Variants in PIGL observed in about 807,000 individuals in gnomAD.
PIGL encodes the protein phosphatidylinositol glycan anchor biosynthesis class L, also known as N-acetylglucosaminyl-phosphatidylinositol de-N-acetylase.
In PIGL, 22 loss-of-function variants were observed where a neutral mutation model predicts 31.1. The ratio of observed to expected loss-of-function variants is 0.71; its 90% CI spans 0.51 to 1.01. The LOEUF (loss-of-function observed/expected upper bound fraction) is 1.01, where lower values mean the gene tolerates loss of function less well. Among genes scored for constraint, PIGL ranks in the 50% least tolerant of loss-of-function variants. The pLI is 0.00. For missense variants in PIGL, 302 were observed against 315.9 expected (o/e 0.96, Z 0.33); for synonymous variants, 131 against 117.4 (o/e 1.12, Z -0.75).
chr17:16,249,776 T>A (rs2092763188), intron 2 of PIGL, among the ~76,000 whole-genome samples: 1 of 152,144 alleles, frequency 6.6e-6, no homozygotes, highest in South Asian at 2.1e-4. Context: ...TCCATGTGGG[T>A]CCCCCACTGA....
At chr17:16,259,970 C>A (rs1002342892) in intron 2 of PIGL, among the ~76,000 whole-genome samples, 4 of 152,348 alleles carry the variant, frequency 2.6e-5, no homozygotes, top group Admixed American at 2.0e-4. Context: ...GGTGCCCGCT[C>A]CAATTTTGGA....
chr17:16,253,275 A>G (rs2092780384), intron 2 of PIGL, among the ~76,000 whole-genome samples: 2 of 152,056 alleles, frequency 1.3e-5, no homozygotes, highest in Admixed American at 6.6e-5. Context: ...ACAAACAACA[A>G]CAACAACAAA....
intron 2 of PIGL, among the ~76,000 whole-genome samples, chr17:16,253,964 C>A (rs527387095): frequency 1.3e-5 from 2 of 151,962 alleles, no homozygotes; most frequent in Non-Finnish European, 2.9e-5. Context: ...AAAAATAGGA[C>A]GTCCCAGTAC....
At chr17:16,239,625 G>A (rs1258837681) in intron 2 of PIGL, among the ~76,000 whole-genome samples, 1 of 152,162 alleles carries the variant, frequency 6.6e-6, no homozygotes, top group East Asian at 1.9e-4. Flanking sequence ...TGTGAATAGT[G>A]GAGAGAGATG....
At position 16,303,206 on chromosome 17, in the gene PIGL, C is replaced by T. The variant is rs138742986; in HGVS notation, c.426+3228C>T. 1.1e-3 allele frequency among the ~76,000 whole-genome samples: 168 copies of T among 152,242 alleles called. 1 individual carries two copies. The highest frequency in any genetic ancestry group is 3.6e-3 in the African/African-American group (148 of 41,556). ...CTTTGATGAGCCCTTTTTGAGGCTC[C>T]GGCAGTATTTGCTGTGTGTACTGCA... On this transcript the variant is annotated intron_variant, in intron 3 of 6. Coordinates refer to ENST00000225609, the MANE Select transcript of PIGL (RefSeq NM_004278.4).
At chr17:16,295,075 GCT>G (rs2092975638) in intron 2 of PIGL, among the ~76,000 whole-genome samples, 1 of 152,184 alleles carries the variant, frequency 6.6e-6, no homozygotes. Context: ...CTGATTAATG[GCT>G]CATGTAACAT....
chr17:16,253,270 C>T (rs1033716046), intron 2 of PIGL, among the ~76,000 whole-genome samples: 3 of 151,878 alleles, frequency 2.0e-5, no homozygotes, highest in African/African-American at 4.8e-5. Flanking sequence ...AACAAACAAA[C>T]AACAACAACA....
At chr17:16,272,120 A>G (rs1364264252) in intron 2 of PIGL, among the ~76,000 whole-genome samples, 1 of 152,112 alleles carries the variant, frequency 6.6e-6, no homozygotes, top group Non-Finnish European at 1.5e-5. Flanking sequence ...CAGTGTCACT[A>G]TTTCCCTACT....
At chr17:16,240,844 C>T (rs368237437) in intron 2 of PIGL, among the ~76,000 whole-genome samples, 1 of 147,508 alleles carries the variant, frequency 6.8e-6, no homozygotes, top group African/African-American at 2.6e-5. Context: ...CATGGTGGCT[C>T]ACGCCTCTAA....
At chr17:16,325,342 A>G (rs2093123061) in intron 6 of PIGL, among the ~76,000 whole-genome samples, 1 of 151,504 alleles carries the variant, frequency 6.6e-6, no homozygotes, top group Non-Finnish European at 1.5e-5. Context: ...CAAAAAAAAA[A>G]AAAAAAAAAA....
intron 6 of PIGL, among the ~76,000 whole-genome samples, chr17:16,320,383 A>G (rs902851502): frequency 2.2e-5 from 3 of 135,972 alleles, no homozygotes; most frequent in Non-Finnish European, 4.8e-5. Context: ...GAAAGAAGGA[A>G]GAAAGAAAGA....
intron 2 of PIGL, among the ~76,000 whole-genome samples, chr17:16,245,021 T>C (rs1255536219): frequency 1.3e-5 from 2 of 151,654 alleles, no homozygotes; most frequent in South Asian, 4.2e-4. Context: ...AGACGGAGTT[T>C]CGCTCTTGTT....
intron 1 of PIGL, among the ~76,000 whole-genome samples, chr17:16,221,911 G>C (rs531429722): frequency 4.6e-5 from 7 of 151,996 alleles, no homozygotes; most frequent in Admixed American, 2.6e-4. Flanking sequence ...GAGCCACCAC[G>C]CCTGGCCAAT....
In PIGL at chr17:16,323,740, G is replaced by A. The variant is rs1014934446; in HGVS notation, c.661-2060G>A. Among the ~76,000 whole-genome samples, 8 of 149,538 alleles carry A rather than the reference G, an allele frequency of 5.3e-5. No homozygotes were observed. The South Asian group carries it at 8.4e-4, about 16-fold the overall frequency. Reference sequence around the variant, plus strand: ...TGATTCTCCTGCCTCAGCCTCCTGCGTAGCTGGGATTACAGACAGGCCGGC... The same window carrying A: ...TGATTCTCCTGCCTCAGCCTCCTGCATAGCTGGGATTACAGACAGGCCGGC... On this transcript the variant is annotated intron_variant, in intron 6 of 6. Coordinates refer to ENST00000225609, the MANE Select transcript of PIGL (RefSeq NM_004278.4).
intron 2 of PIGL, among the ~76,000 whole-genome samples, chr17:16,296,127 T>C (rs1472868229): frequency 6.6e-6 from 1 of 152,210 alleles, no homozygotes; most frequent in African/African-American, 2.4e-5. Flanking sequence ...ACCCTGTTGG[T>C]ATATGATGCC....
At chr17:16,246,561 A>G (rs900098208) in intron 2 of PIGL, among the ~76,000 whole-genome samples, 7 of 151,994 alleles carry the variant, frequency 4.6e-5, no homozygotes, top group African/African-American at 1.7e-4. Context: ...TTCAAGAAAA[A>G]TGCATCTTAG....
chr17:16,322,176 C>T (rs2093108894), intron 6 of PIGL, among the ~76,000 whole-genome samples: 1 of 152,096 alleles, frequency 6.6e-6, no homozygotes, highest in African/African-American at 2.4e-5. Flanking sequence ...TCACCACAAC[C>T]TCCACCTCCT....
chr17:16,225,176 A>C (rs1055606763), intron 1 of PIGL, among the ~76,000 whole-genome samples: 1 of 152,120 alleles, frequency 6.6e-6, no homozygotes, highest in Admixed American at 6.6e-5. Context: ...TTATGTGTAG[A>C]CATTCCTTTT....
chr17:16,247,067 A>T (rs1321791878), intron 2 of PIGL, among the ~76,000 whole-genome samples: 2 of 151,968 alleles, frequency 1.3e-5, no homozygotes, highest in African/African-American at 4.8e-5. Flanking sequence ...CTATGTTCTC[A>T]CATGCTGGAA....
Sources: gnomAD v4.1 joint callset for allele counts (sites outside exome capture counted in the v4.1 genomes callset) on GRCh38, gnomAD v4.1.1 for gene constraint, MANE v1.5 for transcripts, NCBI Gene and HGNC (gene_info 2026-07-23, HGNC 2026-07-21) for gene names.